KIF4A: variants seen among roughly 807,000 people sequenced by gnomAD.
KIF4A encodes the protein chromosome-associated kinesin KIF4A.
KIF4A carries 7 observed loss-of-function variants against 105.9 expected under a neutral mutation model. The ratio of observed to expected loss-of-function variants is 0.07; its 90% confidence interval spans 0.04 to 0.12. The LOEUF is 0.12. KIF4A is among the 10% of genes least tolerant of loss of function. The pLI is 1.00. For missense variants in KIF4A, 558 were observed against 929.2 expected (o/e 0.60, Z 5.19); for synonymous variants, 281 against 331.3 (o/e 0.85, Z 1.65).
intron 15 of KIF4A, among the ~76,000 whole-genome samples, chrX:70,373,305 AG>A (rs774249967): frequency 2.2e-5 from 2 of 89,893 alleles, no homozygotes; most frequent in Non-Finnish European, 4.3e-5. Flanking sequence ...AAGGAGGGGG[AG>A]AACGGGGAGG....
At position 70,343,685 on chromosome X, in the gene KIF4A, C is replaced by A; in HGVS notation, c.1267-18C>A. The A allele has an allele frequency of 8.3e-7, 1 of 1,207,757 alleles. No individual in the cohort carries two copies. Among genetic ancestry groups the A allele is most frequent in the East Asian group, 3.0e-5 (1 of 33,839 alleles). ...TGTCAGGCACCGCCACTGATGATCT[C>A]CTGGGTCTTTGTTGCAGACAGAGCA... On this transcript the variant is annotated intron_variant, in intron 11 of 30. Transcript: ENST00000374403.
chrX:70,400,051 T>G (rs2147736429), intron 22 of KIF4A, among the ~76,000 whole-genome samples: 1 of 105,644 alleles, frequency 9.5e-6, no homozygotes, highest in African/African-American at 3.4e-5. Context: ...CTTTAAGTTT[T>G]AGGGTACATG....
chrX:70,306,283 G>A (rs1411198328), intron 7 of KIF4A, among the ~76,000 whole-genome samples: 1 of 111,726 alleles, frequency 9.0e-6, no homozygotes, highest in Non-Finnish European at 1.9e-5. Context: ...AAATTGGGAA[G>A]TGTGAGTCCT....
chrX:70,348,060 A>G (rs1168270082), intron 13 of KIF4A, among the ~76,000 whole-genome samples: 1 of 107,960 alleles, frequency 9.3e-6, no homozygotes, highest in East Asian at 2.9e-4. Context: ...ATGTGGGAAT[A>G]CTGAAGCTTC....
intron 16 of KIF4A, 124 bp from the exon 17 acceptor site, chrX:70,375,080 T>C: frequency 1.4e-6 from 1 of 738,738 alleles, no homozygotes; most frequent in Non-Finnish European, 1.9e-6. Flanking sequence ...TTTTTTAAGA[T>C]GGCTATGTGA....
chrX:70,320,659 C>G (rs1457457180), intron 7 of KIF4A, among the ~76,000 whole-genome samples: 1 of 111,355 alleles, frequency 9.0e-6, no homozygotes, highest in Non-Finnish European at 1.9e-5. Context: ...ATGATAGTTA[C>G]CAGAGGCCAA....
intron 7 of KIF4A, among the ~76,000 whole-genome samples, chrX:70,328,293 C>A (rs1051180057): frequency 9.0e-6 from 1 of 111,228 alleles, no homozygotes; most frequent in African/African-American, 3.3e-5. Flanking sequence ...GACATCCTGG[C>A]AGCCTCACAT....
At chrX:70,399,729 C>T (rs1185765104) in intron 22 of KIF4A, among the ~76,000 whole-genome samples, 1 of 91,467 alleles carries the variant, frequency 1.1e-5, no homozygotes, top group Non-Finnish European at 2.1e-5. Flanking sequence ...CATGTTCTCA[C>T]TCATAGGTGG....
intron 18 of KIF4A, among the ~76,000 whole-genome samples, chrX:70,384,931 C>G (rs1335299009): frequency 1.9e-5 from 2 of 107,595 alleles, no homozygotes; most frequent in Non-Finnish European, 3.8e-5. Context: ...TCCTGAGTAG[C>G]TGGGACTACA....
intron 7 of KIF4A, among the ~76,000 whole-genome samples, chrX:70,305,200 C>T (rs1455313223): frequency 1.8e-5 from 2 of 111,227 alleles, no homozygotes; most frequent in Non-Finnish European, 3.8e-5. Context: ...AATTAACATA[C>T]CATAACACTC....
chrX:70,402,063 G>A (rs2086284370), intron 22 of KIF4A, among the ~76,000 whole-genome samples: 1 of 111,436 alleles, frequency 9.0e-6, no homozygotes, highest in African/African-American at 3.3e-5. Context: ...GAAACTTCTC[G>A]GTCTTGTGGC....
chrX:70,388,017 CCTT>C (rs768404466), intron 20 of KIF4A, among the ~76,000 whole-genome samples: 2 of 110,820 alleles, frequency 1.8e-5, no homozygotes, highest in Non-Finnish European at 3.8e-5. Flanking sequence ...CTCTGTAATC[CCTT>C]CTTCTCCTCC....
chrX:70,399,126 A>G (rs1025701486), intron 22 of KIF4A, among the ~76,000 whole-genome samples: 1 of 112,348 alleles, frequency 8.9e-6, no homozygotes, highest in Non-Finnish European at 1.9e-5. Context: ...TGTGTGACGA[A>G]ACAGGAAGAA....
At position 70,415,154 on chromosome X, in the gene KIF4A, A is replaced by G. The variant is rs143357161; in HGVS notation, c.3256-2734A>G. 5.2e-3 allele frequency among the ~76,000 whole-genome samples: 585 copies of G among 112,514 alleles called. 25 individuals carry two copies. In the East Asian group the frequency reaches 0.093, roughly 18 times the overall value. On this transcript the variant is annotated intron_variant, in intron 28 of 30. Transcript: ENST00000374403. The stretch of plus-strand genomic sequence containing the variant: ...AGCTATCACTACTGCAGCCTTGTTT[A>G]TAAGAATGGAAAATGGCACTATCAG...
At chrX:70,355,600 C>T (rs757592303) in intron 15 of KIF4A, among the ~76,000 whole-genome samples, 4 of 111,961 alleles carry the variant, frequency 3.6e-5, no homozygotes, top group Non-Finnish European at 5.6e-5. Context: ...ACATCCTCAG[C>T]AACCTGGTGT....
chrX:70,376,239 A>G (rs768937705), intron 18 of KIF4A, 29 bp downstream of exon 18: 1 of 906,234 alleles, frequency 1.1e-6, no homozygotes, highest in African/African-American at 1.9e-5. Flanking sequence ...TTGAAGGCCT[A>G]GGTAATAAAC....
chrX:70,347,514 C>T (rs1268800471), intron 13 of KIF4A, among the ~76,000 whole-genome samples: 1 of 111,316 alleles, frequency 9.0e-6, no homozygotes, highest in Non-Finnish European at 1.9e-5. Flanking sequence ...AAGGATTAAC[C>T]CATCTACTTT....
rs370260378 is a variant in KIF4A, at chrX:70,343,729, C to T, written c.1293C>T (p.Asn431=). Reference sequence around the variant, plus strand: ...CAGAGCAAGCGAATGAAAAAATGAACGCCAAGCTAGAAGAGCTCAGGCAGC... The same window carrying T: ...CAGAGCAAGCGAATGAAAAAATGAATGCCAAGCTAGAAGAGCTCAGGCAGC... ...ILTEQANEKM[N]AKLEELRQHA... is the part of the protein sequence containing the mutation. Residue 431 remains asparagine (N), a synonymous_variant, in exon 12 of 31, where the codon AAC becomes AAT. Transcript: ENST00000374403. 9 of 1,211,505 alleles carry T rather than the reference C, an allele frequency of 7.4e-6. No homozygotes were observed. Among genetic ancestry groups the T allele is most frequent in the African/African-American group, 5.2e-5 (3 of 57,784 alleles).
At chrX:70,347,333 A>G (rs2085997066) in intron 13 of KIF4A, among the ~76,000 whole-genome samples, 1 of 112,084 alleles carries the variant, frequency 8.9e-6, no homozygotes, top group East Asian at 2.8e-4. Flanking sequence ...GAGGGCTGTG[A>G]GACTGAAATA....
Sources: allele counts gnomAD v4.1 joint callset (sites outside exome capture counted in the v4.1 genomes callset), GRCh38; gene constraint gnomAD v4.1.1; transcripts MANE v1.5; gene names NCBI Gene and HGNC (gene_info 2026-07-23, HGNC 2026-07-21).